The following TMTC2 variants were observed in gnomAD, a reference collection of about 807,000 sequenced individuals.
The protein encoded by TMTC2 is transmembrane O-mannosyltransferase targeting cadherins 2, also known as protein O-mannosyl-transferase TMTC2.
Under a neutral mutation model 82.4 loss-of-function variants are expected in TMTC2, and 43 were observed. The observed-to-expected ratio is 0.52, with a 90% CI of 0.41 to 0.67. The LOEUF (loss-of-function observed/expected upper bound fraction) is 0.67. TMTC2 is among the 30% of genes least tolerant of loss of function. The pLI, the probability that TMTC2 is intolerant of heterozygous loss-of-function variation, is 0.00. For missense variants in TMTC2, 919 were observed against 1,012.4 expected (o/e 0.91, Z 1.25); for synonymous variants, 408 against 381.9 (o/e 1.07, Z -0.80).
chr12:82,931,249 A>T (rs191699663), intron 4 of TMTC2, among the ~76,000 whole-genome samples: 20 of 152,288 alleles, frequency 1.3e-4, no homozygotes, highest in African/African-American at 4.3e-4. Flanking sequence ...TTAAAAAAAA[A>T]ATTGCTGTAT....
chr12:82,834,862 A>G, intron 1 of TMTC2, among the ~76,000 whole-genome samples: 1 of 151,940 alleles, frequency 6.6e-6, no homozygotes, highest in Non-Finnish European at 1.5e-5. Context: ...TGTAATTCAT[A>G]GATATTTATC....
chr12:82,794,096 C>G (rs567073924), intron 1 of TMTC2, among the ~76,000 whole-genome samples: 1 of 152,204 alleles, frequency 6.6e-6, no homozygotes, highest in African/African-American at 2.4e-5. Context: ...ACTTATTTGC[C>G]CAGGCTCTGT....
chr12:83,107,584 T>C (rs934299940), intron 11 of TMTC2, among the ~76,000 whole-genome samples: 1 of 152,222 alleles, frequency 6.6e-6, no homozygotes, highest in Admixed American at 6.5e-5. Flanking sequence ...AATTTGGAGA[T>C]TTAGTTTCCA....
intron 3 of TMTC2, 85 bp from the exon 4 acceptor site, chr12:82,930,346 C>A: frequency 1.5e-6 from 1 of 664,136 alleles, no homozygotes; most frequent in Non-Finnish European, 2.6e-6. Context: ...TTTTCTCTCC[C>A]TGTGGTACTT....
At chr12:82,719,176 C>A (rs1874070361) in intron 1 of TMTC2, among the ~76,000 whole-genome samples, 1 of 144,022 alleles carries the variant, frequency 6.9e-6, no homozygotes, top group Non-Finnish European at 1.5e-5. Flanking sequence ...TCACTGCAAC[C>A]TCTGCCTCCC....
chr12:83,057,330 A>C (rs1404734205), intron 10 of TMTC2, among the ~76,000 whole-genome samples: 1 of 151,850 alleles, frequency 6.6e-6, no homozygotes, highest in Non-Finnish European at 1.5e-5. Flanking sequence ...TTTTCTTCTT[A>C]TTGCTACACT....
chr12:82,717,706 A>G (rs141492536), intron 1 of TMTC2, among the ~76,000 whole-genome samples: 3 of 152,320 alleles, frequency 2.0e-5, no homozygotes, highest in African/African-American at 7.2e-5. Context: ...TATCCAGAAG[A>G]CATTCATTTA....
intron 11 of TMTC2, among the ~76,000 whole-genome samples, chr12:83,102,312 G>C (rs943485024): frequency 3.3e-5 from 5 of 152,188 alleles, no homozygotes; most frequent in African/African-American, 1.2e-4. Flanking sequence ...CTGTGAAGTA[G>C]TAGTGCCTGT....
intron 1 of TMTC2, among the ~76,000 whole-genome samples, chr12:82,713,752 G>T (rs1404369432): frequency 6.6e-6 from 1 of 152,192 alleles, no homozygotes; most frequent in East Asian, 1.9e-4. Context: ...CATAGTGTAT[G>T]ACTGTCTGGC....
intron 1 of TMTC2, among the ~76,000 whole-genome samples, chr12:82,712,115 G>A (rs180725903): frequency 6.6e-6 from 1 of 151,948 alleles, no homozygotes. Flanking sequence ...TCATCTGTAG[G>A]TGACACTAAA....
At chr12:83,024,316 A>T (rs1166847744) in intron 8 of TMTC2, among the ~76,000 whole-genome samples, 1 of 152,196 alleles carries the variant, frequency 6.6e-6, no homozygotes, top group Non-Finnish European at 1.5e-5. Flanking sequence ...TGGTCATCAC[A>T]AATTACTTTT....
intron 1 of TMTC2, among the ~76,000 whole-genome samples, chr12:82,788,651 G>A (rs1878302023): frequency 6.6e-6 from 1 of 152,076 alleles, no homozygotes; most frequent in African/African-American, 2.4e-5. Context: ...AGCCTTCCCA[G>A]AACTTTTTCA....
chr12:82,926,977 G>A (rs1207628157), intron 3 of TMTC2, among the ~76,000 whole-genome samples: 1 of 152,138 alleles, frequency 6.6e-6, no homozygotes, highest in African/African-American at 2.4e-5. Flanking sequence ...AAATGCACAA[G>A]GAGATTAATG....
intron 11 of TMTC2, among the ~76,000 whole-genome samples, chr12:83,081,269 CAT>C (rs1336665268): frequency 6.6e-6 from 1 of 152,166 alleles, no homozygotes; most frequent in African/African-American, 2.4e-5. Context: ...TTGCATGTAA[CAT>C]GTGATTACTT....
intron 1 of TMTC2, among the ~76,000 whole-genome samples, chr12:82,691,761 A>G (rs1191373555): frequency 6.6e-6 from 1 of 152,162 alleles, no homozygotes; most frequent in African/African-American, 2.4e-5. Flanking sequence ...TACTGAAGGC[A>G]GGCCTGGTAT....
intron 8 of TMTC2, among the ~76,000 whole-genome samples, chr12:83,023,863 A>T (rs1881046583): frequency 6.6e-6 from 1 of 152,150 alleles, no homozygotes; most frequent in Admixed American, 6.6e-5. Flanking sequence ...CTGCTTTAGG[A>T]TGTTTAGGAA....
At chr12:82,833,182 T>A (rs1869842344) in intron 1 of TMTC2, among the ~76,000 whole-genome samples, 1 of 152,210 alleles carries the variant, frequency 6.6e-6, no homozygotes, top group Non-Finnish European at 1.5e-5. Flanking sequence ...GACAAAGTTG[T>A]TTATTTTTTA....
chr12:82,745,592 G>A (rs1875647642), intron 1 of TMTC2, among the ~76,000 whole-genome samples: 1 of 152,148 alleles, frequency 6.6e-6, no homozygotes, highest in African/African-American at 2.4e-5. Flanking sequence ...TTGTACATTA[G>A]CAGACAAGAG....
chr12:83,106,109 T>C (rs1884383337), intron 11 of TMTC2, among the ~76,000 whole-genome samples: 1 of 152,144 alleles, frequency 6.6e-6, no homozygotes, highest in African/African-American at 2.4e-5. Context: ...AGTAAATTTC[T>C]TAGGAGGCCA....
Sources: gnomAD v4.1 joint callset for allele counts (sites outside exome capture counted in the v4.1 genomes callset) on GRCh38, gnomAD v4.1.1 for gene constraint, MANE v1.5 for transcripts, NCBI Gene and HGNC (gene_info 2026-07-23, HGNC 2026-07-21) for gene names.